PROX2: variants seen among roughly 807,000 people sequenced by gnomAD.
PROX2 encodes prospero homeobox 2.
In PROX2, 46 loss-of-function variants were observed where a neutral mutation model predicts 48.9. The ratio of observed to expected loss-of-function variants is 0.94; its 90% CI spans 0.74 to 1.20. The LOEUF (loss-of-function observed/expected upper bound fraction) is 1.20, where lower values mean the gene tolerates loss of function less well. Among genes scored for constraint, PROX2 ranks in the 50% most tolerant of loss-of-function variants. PROX2 has a pLI of 0.00. For synonymous variants in PROX2, 260 were observed against 276.6 expected, an observed-to-expected ratio of 0.94 and a Z score of 0.60; for missense variants, 663 against 719.4, an observed-to-expected ratio of 0.92 and a Z score of 0.90.
In PROX2 at chr14:74,863,502, C is replaced by T. The variant is rs61747287; in HGVS notation, c.333G>A (p.Pro111=). ...ERKRKQNLPT[P]QGLLMPAPAW... is the part of the protein sequence containing the mutation. ...CAGGGGCTGGCATCAGGAGGCCTTG[C>T]GGTGTGGGAAGGTTCTGCTTCCTCT... is the stretch of plus-strand genomic sequence containing the variant. The change falls in exon 3 of 6, where the codon CCG becomes CCA. Residue 111 remains proline (P), a synonymous_variant. Coordinates refer to ENST00000556489, the MANE Select transcript of PROX2 (RefSeq NM_001243007.2). 3.9e-3 allele frequency: 6,337 copies of T among 1,613,302 alleles called. 194 individuals are homozygous for T. The African/African-American group carries it at 0.071, about 18-fold the overall frequency.
chr14:74,860,579 G>A (rs141730580), intron 3 of PROX2, among the ~76,000 whole-genome samples: 44 of 152,244 alleles, frequency 2.9e-4, no homozygotes, highest in African/African-American at 7.2e-4. Flanking sequence ...TCATGTGAAT[G>A]TGAACGTTCT....
At position 74,863,998 on chromosome 14, in the gene PROX2, T is replaced by A; in HGVS notation, c.-164A>T. ...GGGATGCCAGGGCTCATGAACCTCCTGGGCAGACTCCTGAAATTAGAGACA... is the reference window on the plus strand; with the variant it reads ...GGGATGCCAGGGCTCATGAACCTCCAGGGCAGACTCCTGAAATTAGAGACA... On this transcript the variant is annotated 5_prime_UTR_variant, in exon 3 of 6. Coordinates refer to ENST00000556489, the MANE Select transcript of PROX2 (RefSeq NM_001243007.2). 1 of 735,478 alleles carries A rather than the reference T, an allele frequency of 1.4e-6. No individual in the cohort carries two copies. The highest frequency in any genetic ancestry group is 3.2e-5 in the East Asian group (1 of 30,808). The allele number at this position is 735,478 out of a possible 1,614,324, so 45.6% of individuals were successfully genotyped here. A position where few individuals can be genotyped will look rare whatever the true frequency, so the allele number is the denominator to read the frequency against.
At position 74,855,178 on chromosome 14, in the gene PROX2, T is replaced by C; in HGVS notation, c.1733A>G (p.Asp578Gly). 1 of 1,595,396 alleles carries C rather than the reference T, an allele frequency of 6.3e-7. No individual in the cohort carries two copies. The highest frequency in any genetic ancestry group is 8.6e-7 in the Non-Finnish European group (1 of 1,168,024). Residue 578 changes from aspartate to glycine, a missense_variant, in exon 6 of 6, where the codon GAC (aspartate) becomes GGC (glycine). Physicochemically the swap from Asp to Gly is moderately conservative, Grantham distance 94 (BLOSUM62 -1). Coordinates refer to ENST00000556489, the MANE Select transcript of PROX2 (RefSeq NM_001243007.2). Reference protein sequence around the residue: ...KPIYKIISKLDSDIPEIFKSS... With the variant: ...KPIYKIISKLGSDIPEIFKSS... ...TTTGAATATCTCTGGGATGTCACTG[T>C]CCAGTTTCGAAATAATTTTATAAAT... is the stretch of plus-strand genomic sequence containing the variant.
chr14:74,858,534 A>G lies in PROX2; in HGVS notation c.1306-20T>C. The G allele has an allele frequency of 7.5e-7, 1 of 1,330,104 alleles. No homozygotes were observed. Among genetic ancestry groups the G allele is most frequent in the South Asian group, 1.3e-5 (1 of 78,000 alleles). 82.4% of individuals were successfully genotyped at this position (1,330,104 alleles called of 1,614,324 possible). ...CTGGATTTATCTCAGTGTCAAGGAA[A>G]ATGAACACTTTAAAATGCCAGTTTA... On this transcript the variant is annotated intron_variant, in intron 3 of 5. Transcript: ENST00000556489.
chr14:74,858,775 A>ATT (rs1205823119), intron 3 of PROX2: 1 of 209,108 alleles, frequency 4.8e-6, no homozygotes, highest in Non-Finnish European at 8.3e-6. Context: ...AGGTTGGTGT[A>ATT]TTTTGTGTGT....
intron 5 of PROX2, 53 bp downstream of exon 5, chr14:74,856,748 C>CAT: frequency 6.7e-7 from 1 of 1,487,622 alleles, no homozygotes; most frequent in South Asian, 1.2e-5. Flanking sequence ...AAACTCGAAT[C>CAT]ATATAGGGAA....
intron 2 of PROX2, among the ~76,000 whole-genome samples, chr14:74,866,052 C>A (rs1470177077): frequency 6.6e-6 from 1 of 151,970 alleles, no homozygotes; most frequent in East Asian, 1.9e-4. Flanking sequence ...GTCAGGAGTT[C>A]AAGACCAGAC....
At chr14:74,857,410 T>G in intron 4 of PROX2, 1 of 159,278 alleles carries the variant, frequency 6.3e-6, no homozygotes, top group African/African-American at 2.4e-5. Flanking sequence ...AGGGAGCAGT[T>G]TATTAGCAAC....
chr14:74,856,856 T>C lies in PROX2; in HGVS notation c.1553A>G (p.Asn518Ser). The change falls in exon 5 of 6, where the codon AAT becomes AGT. Residue 518 changes from asparagine (N) to serine (S), a missense_variant. By Grantham distance (46) the Asn-to-Ser change is conservative. Transcript: ENST00000556489. ...TNPKMLVVLR[N>S]SELFQALNMH... ...ATTGAGAGCTTGAAAAAGTTCTGAA[T>C]TGCGGAGAACCACCAGCATTTTGGG... The C allele has an allele frequency of 6.2e-7, 1 of 1,614,006 alleles. No individual in the cohort carries two copies.
intron 3 of PROX2, 149 bp downstream of exon 3, chr14:74,862,381 A>G: frequency 1.2e-6 from 1 of 821,494 alleles, no homozygotes; most frequent in Non-Finnish European, 1.8e-6. Flanking sequence ...ATTTTTAGAG[A>G]TGGGGTCTAG....
chr14:74,876,006 A>T lies in PROX2; in HGVS notation c.-421T>A, dbSNP rs1018546146. Among the ~76,000 whole-genome samples, 1 of 152,216 alleles carries T rather than the reference A, an allele frequency of 6.6e-6. No individual in the cohort carries two copies. Among genetic ancestry groups the T allele is most frequent in the Non-Finnish European group, 1.5e-5 (1 of 68,036 alleles). On this transcript the variant is annotated 5_prime_UTR_variant, in exon 1 of 6. It removes an upstream start codon present in the reference 5' UTR. Transcript: ENST00000556489. Reference sequence around the variant, plus strand: ...TCACCAGCCCTGGGCAGACAGAGCCATGGTCAGGAAGTGCTTCTGGTTTCC... The same window carrying T: ...TCACCAGCCCTGGGCAGACAGAGCCTTGGTCAGGAAGTGCTTCTGGTTTCC...
chr14:74,864,444 A>T (rs181366767), intron 2 of PROX2, among the ~76,000 whole-genome samples: 1 of 152,230 alleles, frequency 6.6e-6, no homozygotes, highest in Non-Finnish European at 1.5e-5. Flanking sequence ...CCCTATGGTC[A>T]TGCAGCTCGT....
chr14:74,863,676 G>C lies in PROX2; in HGVS notation c.159C>G (p.Pro53=). The C allele has an allele frequency of 1.3e-6, 2 of 1,554,582 alleles. No homozygotes were observed. Among genetic ancestry groups the C allele is most frequent in the Admixed American group, 1.9e-5 (1 of 52,180 alleles). The change falls in exon 3 of 6, where the codon CCC becomes CCG. Residue 53 remains proline (P), a synonymous_variant. Transcript: ENST00000556489. ...SQVPSSSPTD[P]EWFGDEHIQA... is the part of the protein sequence containing the mutation. ...GGATGTGCTCATCACCAAACCATTC[G>C]GGGTCTGTAGGGCTGGAGCTGGGGA...
intron 3 of PROX2, 94 bp from the exon 4 acceptor site, chr14:74,858,608 TTTTG>T: frequency 1.4e-6 from 1 of 739,138 alleles, no homozygotes; most frequent in South Asian, 1.9e-5. Flanking sequence ...TTTGATTTCA[TTTTG>T]TTTTTCTGAT....
At chr14:74,870,853 A>T (rs1883195561) in intron 2 of PROX2, among the ~76,000 whole-genome samples, 2 of 152,178 alleles carry the variant, frequency 1.3e-5, no homozygotes, top group African/African-American at 4.8e-5. Flanking sequence ...CAGTCTGGCC[A>T]ACATGGTGAA....
intron 3 of PROX2, among the ~76,000 whole-genome samples, chr14:74,861,388 A>G (rs182641124): frequency 6.6e-6 from 1 of 152,342 alleles, no homozygotes; most frequent in East Asian, 1.9e-4. Context: ...GGCTGTGTAC[A>G]TTCTCCTCTT....
chr14:74,875,840 A>C (rs1214378974), intron 1 of PROX2, among the ~76,000 whole-genome samples, 55 bp downstream of exon 1: 2 of 152,196 alleles, frequency 1.3e-5, no homozygotes, highest in African/African-American at 4.8e-5. Context: ...ATAATGTTCC[A>C]TAATTTTTTA....
At chr14:74,855,994 A>G (rs1390187631) in intron 5 of PROX2, 2 of 152,320 alleles carry the variant, frequency 1.3e-5, no homozygotes, top group Admixed American at 1.3e-4. Context: ...CTTTCCAAAC[A>G]TACTCTGACT....
intron 4 of PROX2, chr14:74,857,350 TG>T (rs1281714154): frequency 1.1e-5 from 2 of 180,796 alleles, no homozygotes; most frequent in Admixed American, 1.1e-4. Context: ...ATGGCAGGCC[TG>T]GGGCCTTCCA....
Sources: gnomAD v4.1 joint callset for allele counts (sites outside exome capture counted in the v4.1 genomes callset) on GRCh38, gnomAD v4.1.1 for gene constraint, MANE v1.5 for transcripts, NCBI Gene and HGNC (gene_info 2026-07-23, HGNC 2026-07-21) for gene names.